The following HPSE2 variants were observed in gnomAD, a reference collection of about 807,000 sequenced individuals.
HPSE2 encodes the protein inactive heparanase-2.
A neutral mutation model predicts 60.5 loss-of-function variants in HPSE2; 38 were observed. That is an observed-to-expected ratio of 0.63 (90% CI 0.48 to 0.82). The LOEUF (loss-of-function observed/expected upper bound fraction) is 0.82. Among genes scored for constraint, HPSE2 ranks in the 40% least tolerant of loss-of-function variants. The pLI, the probability that HPSE2 is intolerant of heterozygous loss-of-function variation, is 0.00. For missense variants in HPSE2, 713 were observed against 740.4 expected, an observed-to-expected ratio of 0.96 and a Z score of 0.43; for synonymous variants, 295 against 293.2, an observed-to-expected ratio of 1.01 and a Z score of -0.06.
intron 3 of HPSE2, among the ~76,000 whole-genome samples, chr10:98,927,114 A>G (rs1396295838): frequency 3.3e-5 from 5 of 152,046 alleles, no homozygotes; most frequent in African/African-American, 1.2e-4. Flanking sequence ...GTAGATGTCT[A>G]TTAGGTCTGC....
chr10:99,285,981 A>G, the HPSE2 span, among the ~76,000 whole-genome samples: 1 of 152,300 alleles, frequency 6.6e-6, no homozygotes, highest in African/African-American at 2.4e-5. Context: ...TATTCCAATC[A>G]TTAGTCATTA....
At chr10:98,872,723 T>G (rs1952766953) in intron 3 of HPSE2, among the ~76,000 whole-genome samples, 1 of 152,104 alleles carries the variant, frequency 6.6e-6, no homozygotes, top group African/African-American at 2.4e-5. Flanking sequence ...GACTAGAATA[T>G]CTAAGAAAAT....
intron 3 of HPSE2, among the ~76,000 whole-genome samples, chr10:98,900,223 T>G (rs899652985): frequency 6.6e-6 from 1 of 152,168 alleles, no homozygotes; most frequent in South Asian, 2.1e-4. Context: ...AGCTGTGGTA[T>G]AGCCATACAA....
At chr10:98,558,805 C>G (rs75435942) in intron 9 of HPSE2, among the ~76,000 whole-genome samples, 373 of 152,222 alleles carry the variant, frequency 2.5e-3, no homozygotes, top group Middle Eastern at 0.01. Flanking sequence ...CAATATCTCA[C>G]GAAAGGGAGA....
intron 3 of HPSE2, among the ~76,000 whole-genome samples, chr10:98,993,405 A>C (rs542126212): frequency 2.6e-5 from 4 of 152,354 alleles, no homozygotes; most frequent in African/African-American, 7.2e-5. Context: ...TTGGACATCA[A>C]CTTCAAAGTT....
intron 3 of HPSE2, among the ~76,000 whole-genome samples, chr10:99,053,719 C>CTTTTTTTT (rs11301458): frequency 3.5e-5 from 2 of 57,808 alleles, no homozygotes; most frequent in Non-Finnish European, 2.9e-5. Context: ...GAGTTACAGT[C>CTTTTTTTT]TTTTTTTTTT....
intron 2 of HPSE2, among the ~76,000 whole-genome samples, chr10:99,195,208 G>A (rs1461785480): frequency 1.3e-5 from 2 of 151,868 alleles, no homozygotes; most frequent in African/African-American, 2.4e-5. Context: ...AAATAACTAG[G>A]TATATAAGGA....
intron 3 of HPSE2, among the ~76,000 whole-genome samples, chr10:99,068,319 T>C (rs1842678402): frequency 6.6e-6 from 1 of 152,208 alleles, no homozygotes; most frequent in Admixed American, 6.5e-5. Flanking sequence ...CTCATGTTGC[T>C]AATAAAGACA....
At chr10:99,233,039 C>T (rs555473181) in intron 1 of HPSE2, among the ~76,000 whole-genome samples, 25 of 152,262 alleles carry the variant, frequency 1.6e-4, no homozygotes, top group Non-Finnish European at 3.4e-4. Context: ...AGACCAGGCC[C>T]GGCGCCTGAG....
At chr10:98,533,356 A>ACAGGCTGGG in intron 9 of HPSE2, among the ~76,000 whole-genome samples, 1 of 152,382 alleles carries the variant, frequency 6.6e-6, no homozygotes, top group African/African-American at 2.4e-5. Flanking sequence ...TGAAGATAGA[A>ACAGGCTGGG]TAATGCCTTA....
At chr10:98,960,726 A>ATTTTTTTTTT (rs68091060) in intron 3 of HPSE2, among the ~76,000 whole-genome samples, 2 of 102,602 alleles carry the variant, frequency 1.9e-5, no homozygotes, top group African/African-American at 8.0e-5. Context: ...TTTTTGTTTT[A>ATTTTTTTTTT]TTTTTTTTAT....
intron 9 of HPSE2, among the ~76,000 whole-genome samples, chr10:98,501,100 CAGAATTCTACCAGACACTCAA>C (rs1942015645): frequency 6.6e-6 from 1 of 151,902 alleles, no homozygotes; most frequent in African/African-American, 2.4e-5. Flanking sequence ...GGATTCACAG[CAGAATTCTACCAGACACTCAA>C]AGAATTGGTA....
At chr10:98,607,546 T>C (rs535793407) in intron 9 of HPSE2, among the ~76,000 whole-genome samples, 1 of 152,330 alleles carries the variant, frequency 6.6e-6, no homozygotes, top group Admixed American at 6.5e-5. Context: ...TTGCCTTCAC[T>C]GGGAAAGCTT....
At chr10:99,185,970 T>C (rs758515718) in intron 2 of HPSE2, among the ~76,000 whole-genome samples, 11 of 151,684 alleles carry the variant, frequency 7.3e-5, no homozygotes, top group Non-Finnish European at 1.2e-4. Context: ...ATATGCATAA[T>C]TGGAATCCTA....
At chr10:98,887,098 A>C (rs1438135323) in intron 3 of HPSE2, among the ~76,000 whole-genome samples, 2 of 152,148 alleles carry the variant, frequency 1.3e-5, no homozygotes, top group African/African-American at 4.8e-5. Context: ...CCAAACAATG[A>C]GTTTTCCTAT....
intron 9 of HPSE2, among the ~76,000 whole-genome samples, chr10:98,612,884 A>G (rs915048483): frequency 5.3e-5 from 8 of 152,190 alleles, no homozygotes; most frequent in Non-Finnish European, 7.3e-5. Flanking sequence ...ACAAAGCCCT[A>G]GGTGATATGA....
intron 6 of HPSE2, among the ~76,000 whole-genome samples, chr10:98,654,037 A>C (rs1297954464): frequency 6.7e-6 from 1 of 149,308 alleles, no homozygotes; most frequent in Non-Finnish European, 1.5e-5. Flanking sequence ...ATTGTTTCTT[A>C]TGATACTTCA....
chr10:98,912,298 T>A (rs1954000487), intron 3 of HPSE2, among the ~76,000 whole-genome samples: 1 of 152,208 alleles, frequency 6.6e-6, no homozygotes, highest in Non-Finnish European at 1.5e-5. Context: ...TAGAACAGAA[T>A]CTTCCAGCAA....
the HPSE2 span, among the ~76,000 whole-genome samples, chr10:99,310,822 T>A: frequency 6.6e-6 from 1 of 152,170 alleles, no homozygotes; most frequent in Non-Finnish European, 1.5e-5. Context: ...AGCGATGAGG[T>A]TATGCCTTGT....
Sources: gnomAD v4.1 joint callset for allele counts (sites outside exome capture counted in the v4.1 genomes callset) on GRCh38, gnomAD v4.1.1 for gene constraint, MANE v1.5 for transcripts, NCBI Gene and HGNC (gene_info 2026-07-23, HGNC 2026-07-21) for gene names.